The following CPED1 variants were observed in gnomAD, a reference collection of about 807,000 sequenced individuals.
CPED1 encodes cadherin-like and PC-esterase domain-containing protein 1.
Under a neutral mutation model 128.2 loss-of-function variants are expected in CPED1, and 114 were observed. The ratio of observed to expected loss-of-function variants is 0.89; its 90% confidence interval spans 0.76 to 1.04. The LOEUF is 1.04. CPED1 is among the 50% of genes least tolerant of loss of function. The probability of loss-of-function intolerance (pLI) is 0.00; values close to 1 mark genes in which losing one functional copy is unlikely to be tolerated. For missense variants in CPED1, 1,211 were observed against 1,207.1 expected, an observed-to-expected ratio of 1.00 and a Z score of -0.05; for synonymous variants, 462 against 426.7, an observed-to-expected ratio of 1.08 and a Z score of -1.02.
chr7:121,278,636 T>A (rs1444668491), intron 22 of CPED1, among the ~76,000 whole-genome samples: 1 of 152,158 alleles, frequency 6.6e-6, no homozygotes, highest in Non-Finnish European at 1.5e-5. Context: ...TTCTATCCTC[T>A]GCTACTAGCT....
At chr7:121,069,543 A>G (rs1279930659) in intron 5 of CPED1, among the ~76,000 whole-genome samples, 2 of 152,138 alleles carry the variant, frequency 1.3e-5, no homozygotes, top group Non-Finnish European at 2.9e-5. Context: ...CGTAAGGCTA[A>G]CACAGTCTGT....
intron 7 of CPED1, among the ~76,000 whole-genome samples, chr7:121,122,031 T>A (rs1270885596): frequency 6.6e-6 from 1 of 152,140 alleles, no homozygotes; most frequent in Non-Finnish European, 1.5e-5. Flanking sequence ...TATGATTTTT[T>A]AAAAATTCAT....
intron 16 of CPED1, among the ~76,000 whole-genome samples, chr7:121,144,630 T>A (rs867127745): frequency 6.6e-6 from 1 of 151,970 alleles, no homozygotes; most frequent in African/African-American, 2.4e-5. Flanking sequence ...ACAGGGCAAC[T>A]GTAGTTAGCA....
intron 2 of CPED1, among the ~76,000 whole-genome samples, chr7:121,004,843 T>C (rs539279681): frequency 2.0e-5 from 3 of 152,146 alleles, no homozygotes; most frequent in Non-Finnish European, 4.4e-5. Context: ...CATAACAAAG[T>C]AAAAATGAAG....
chr7:121,167,489 A>C (rs965466573), intron 16 of CPED1, among the ~76,000 whole-genome samples: 3 of 152,208 alleles, frequency 2.0e-5, no homozygotes, highest in African/African-American at 7.2e-5. Context: ...ATCGTATTCT[A>C]ACAAGGTGAG....
intron 7 of CPED1, 81 bp from the exon 8 acceptor site, chr7:121,124,250 T>G: frequency 7.5e-7 from 1 of 1,324,922 alleles, no homozygotes; most frequent in Non-Finnish European, 1.0e-6. Context: ...CCTAGAACAA[T>G]CCTTCAAATT....
At chr7:121,090,298 C>A (rs1323892305) in intron 5 of CPED1, among the ~76,000 whole-genome samples, 1 of 152,182 alleles carries the variant, frequency 6.6e-6, no homozygotes, top group African/African-American at 2.4e-5. Context: ...CAAATTGTGT[C>A]TCCACTTCAC....
At chr7:121,036,321 C>T (rs551611495) in intron 3 of CPED1, among the ~76,000 whole-genome samples, 6 of 152,100 alleles carry the variant, frequency 3.9e-5, no homozygotes, top group South Asian at 2.1e-4. Context: ...ATCATTCTTA[C>T]GCCTTTGCAT....
intron 16 of CPED1, among the ~76,000 whole-genome samples, chr7:121,220,709 T>C (rs1293771415): frequency 2.0e-5 from 3 of 152,024 alleles, no homozygotes; most frequent in Non-Finnish European, 4.4e-5. Flanking sequence ...ATACTAATGG[T>C]GAAATATTGA....
intron 5 of CPED1, among the ~76,000 whole-genome samples, chr7:121,095,107 CTG>C (rs1429282206): frequency 1.3e-5 from 2 of 152,140 alleles, no homozygotes; most frequent in African/African-American, 4.8e-5. Context: ...ATTTGGAAGA[CTG>C]TGTCATACAG....
intron 16 of CPED1, among the ~76,000 whole-genome samples, chr7:121,181,483 C>T (rs182037194): frequency 2.0e-5 from 3 of 150,452 alleles, no homozygotes; most frequent in East Asian, 1.9e-4. Flanking sequence ...ATACATTTCT[C>T]AAAAAATATT....
At chr7:121,122,078 A>G (rs969857703) in intron 7 of CPED1, among the ~76,000 whole-genome samples, 2 of 151,804 alleles carry the variant, frequency 1.3e-5, no homozygotes, top group Non-Finnish European at 2.9e-5. Flanking sequence ...AATTTCTAGC[A>G]TATGTAGTTT....
chr7:121,058,038 T>C (rs1793546052), intron 4 of CPED1, among the ~76,000 whole-genome samples: 2 of 151,374 alleles, frequency 1.3e-5, no homozygotes, highest in South Asian at 2.1e-4. Flanking sequence ...AGAGGAACAA[T>C]AGGCCTACAG....
chr7:121,193,951 C>T (rs1797203841), intron 16 of CPED1, among the ~76,000 whole-genome samples: 2 of 140,832 alleles, frequency 1.4e-5, no homozygotes, highest in South Asian at 4.7e-4. Context: ...CTGTGGACTT[C>T]ATTTATCTGT....
chr7:121,006,698 A>T (rs1792024499), intron 2 of CPED1, among the ~76,000 whole-genome samples: 1 of 152,158 alleles, frequency 6.6e-6, no homozygotes, highest in South Asian at 2.1e-4. Context: ...TCTTACAGAC[A>T]TAATGAAGGA....
intron 5 of CPED1, among the ~76,000 whole-genome samples, chr7:121,085,475 G>GA (rs34268226): frequency 0.039 from 5,971 of 152,026 alleles, 393 homozygotes; most frequent in African/African-American, 0.13. Flanking sequence ...CAGATAACTT[G>GA]AAAAAAATGT....
intron 22 of CPED1, among the ~76,000 whole-genome samples, chr7:121,286,218 TCA>T (rs567456357): frequency 2.8e-4 from 42 of 152,156 alleles, no homozygotes; most frequent in Non-Finnish European, 5.6e-4. Context: ...CCCCCATGAT[TCA>T]GTTTCCTCCC....
At chr7:121,137,155 A>G (rs1795802168) in intron 14 of CPED1, among the ~76,000 whole-genome samples, 1 of 151,548 alleles carries the variant, frequency 6.6e-6, no homozygotes, top group African/African-American at 2.4e-5. Context: ...GTATAGATTT[A>G]GATTTAATTT....
chr7:121,105,624 T>C (rs1794957380), intron 7 of CPED1, among the ~76,000 whole-genome samples: 1 of 152,142 alleles, frequency 6.6e-6, no homozygotes, highest in African/African-American at 2.4e-5. Flanking sequence ...GTGTTCATTT[T>C]AAAGTATGAT....
Sources: gnomAD v4.1 joint callset for allele counts (sites outside exome capture counted in the v4.1 genomes callset) on GRCh38, gnomAD v4.1.1 for gene constraint, MANE v1.5 for transcripts, NCBI Gene and HGNC (gene_info 2026-07-23, HGNC 2026-07-21) for gene names.